The following ICA1 variants were observed in gnomAD, a reference collection of about 807,000 sequenced individuals.
The protein encoded by ICA1 is islet cell autoantigen 1.
In ICA1, 40 loss-of-function variants were observed where a neutral mutation model predicts 71.0. The ratio of observed to expected loss-of-function variants is 0.56; its 90% CI spans 0.44 to 0.73. The LOEUF is 0.73. Ranked by LOEUF, ICA1 falls within the 30% of genes least tolerant of loss-of-function variation. The pLI is 0.00. For missense variants in ICA1, 578 were observed against 576.5 expected, an observed-to-expected ratio of 1.00 and a Z score of -0.03; for synonymous variants, 207 against 209.5, an observed-to-expected ratio of 0.99 and a Z score of 0.10.
At chr7:8,249,192 C>G (rs1807237065) in intron 1 of ICA1, among the ~76,000 whole-genome samples, 2 of 152,260 alleles carry the variant, frequency 1.3e-5, no homozygotes, top group Non-Finnish European at 2.9e-5. Flanking sequence ...GGGCACAGAA[C>G]AGAGGCACAA....
rs570425593 is a variant in ICA1, at chr7:8,190,105, C to T, written c.579+28200G>A. ...GCACAAAATTCATATAAAAATCTAC[C>T]ATGAAGTGCCTGTCTGACATTCACT... On this transcript the variant is annotated intron_variant, in intron 6 of 13. Transcript: ENST00000402384. Among the ~76,000 whole-genome samples, 7 of 152,254 alleles carry T rather than the reference C, an allele frequency of 4.6e-5. No individual in the cohort carries two copies. In the South Asian group the frequency reaches 1.2e-3, roughly 27 times the overall value.
chr7:8,248,718 C>A (rs577187466), intron 1 of ICA1, among the ~76,000 whole-genome samples: 1 of 152,226 alleles, frequency 6.6e-6, no homozygotes, highest in Admixed American at 6.5e-5. Flanking sequence ...GCCCACCACT[C>A]CCTCAACCTC....
intron 1 of ICA1, among the ~76,000 whole-genome samples, chr7:8,260,993 G>T (rs1812119701): frequency 6.6e-6 from 1 of 152,174 alleles, no homozygotes; most frequent in Admixed American, 6.5e-5. Context: ...ATATTTTATA[G>T]GACCTTAATG....
chr7:8,227,623 T>TTTC, intron 4 of ICA1: 3 of 381,260 alleles, frequency 7.9e-6, no homozygotes, highest in Non-Finnish European at 1.5e-5. Context: ...TTTTTTTTTT[T>TTTC]CTAAGAGATC....
intron 4 of ICA1, 95 bp from the exon 5 acceptor site, chr7:8,221,493 G>A: frequency 7.2e-7 from 1 of 1,396,854 alleles, no homozygotes. Context: ...CTCTCTTCCA[G>A]AGGCGAAGAC....
At chr7:8,163,472 T>C (rs1173902570) in intron 6 of ICA1, among the ~76,000 whole-genome samples, 2 of 152,238 alleles carry the variant, frequency 1.3e-5, no homozygotes, top group African/African-American at 4.8e-5. Context: ...GTATCTTCTA[T>C]ATGCTGGTAG....
chr7:8,186,263 C>T (rs1036342870), intron 6 of ICA1, among the ~76,000 whole-genome samples: 4 of 152,310 alleles, frequency 2.6e-5, no homozygotes, highest in Admixed American at 6.5e-5. Flanking sequence ...CAGGGACGCT[C>T]TCTGAGTGAA....
rs1011882720 is a variant in ICA1, at chr7:8,226,848, A to C, written c.256+1753T>G. Among the ~76,000 whole-genome samples, 2 of 152,334 alleles carry C rather than the reference A, an allele frequency of 1.3e-5. No individual in the cohort carries two copies. Among genetic ancestry groups the C allele is most frequent in the South Asian group, 4.1e-4 (2 of 4,832 alleles). On this transcript the variant is annotated intron_variant, in intron 4 of 13. Coordinates refer to ENST00000402384, the MANE Select transcript of ICA1 (RefSeq NM_001136020.3). The surrounding 1 kb of genome is among the most constrained non-coding windows in gnomAD (Gnocchi z 4.4). ...TTATGAGCCTTCATGGTGTTCAACTATAATTCTATTAACTAATCTGAGGTG... is the reference window on the plus strand; with the variant it reads ...TTATGAGCCTTCATGGTGTTCAACTCTAATTCTATTAACTAATCTGAGGTG...
At position 8,127,970 on chromosome 7, in the gene ICA1, G is replaced by T; in HGVS notation, c.1233C>A (p.Ala411=). The change falls in exon 13 of 14, where the codon GCC becomes GCA. Residue 411 remains alanine (A), a synonymous_variant. Transcript: ENST00000402384. ...GQVKEPVPTM[A]LGEPDPKAQT... is the part of the protein sequence containing the mutation. ...GGGCCTTGGGGTCTGGCTCTCCCAG[G>T]GCCATAGTGGGCACTGGCTCCTTCA... 7.4e-6 allele frequency: 12 copies of T among 1,614,148 alleles called. No homozygotes were observed. The highest frequency in any genetic ancestry group is 1.0e-5 in the Non-Finnish European group (12 of 1,180,008).
At chr7:8,149,490 A>G (rs10271880) in intron 8 of ICA1, among the ~76,000 whole-genome samples, 2,049 of 152,352 alleles carry the variant, frequency 0.013, 42 homozygotes, top group African/African-American at 0.046. Flanking sequence ...TCGAGCTTGC[A>G]AAAGTGTCTT....
intron 6 of ICA1, among the ~76,000 whole-genome samples, chr7:8,203,886 G>C (rs1167740287): frequency 6.6e-6 from 1 of 152,068 alleles, no homozygotes; most frequent in African/African-American, 2.4e-5. Context: ...CTCAGCTTTG[G>C]GTCCCTGAGT....
intron 6 of ICA1, among the ~76,000 whole-genome samples, chr7:8,188,764 C>A (rs550540297): frequency 6.6e-6 from 1 of 152,250 alleles, no homozygotes; most frequent in East Asian, 1.9e-4. Context: ...CAAGAGAGAA[C>A]CTTTTTTGGC....
chr7:8,145,007 G>A (rs564204951), intron 8 of ICA1, among the ~76,000 whole-genome samples: 13 of 152,152 alleles, frequency 8.5e-5, no homozygotes, highest in African/African-American at 2.6e-4. Flanking sequence ...GCTGTGTCTC[G>A]GCAGAGCAGA....
At chr7:8,193,950 A>G (rs1436565966) in intron 6 of ICA1, among the ~76,000 whole-genome samples, 1 of 152,216 alleles carries the variant, frequency 6.6e-6, no homozygotes, top group Non-Finnish European at 1.5e-5. Flanking sequence ...CTGCAAACAA[A>G]TTACCTCAAC....
intron 1 of ICA1, among the ~76,000 whole-genome samples, chr7:8,247,478 GA>G (rs147836185): frequency 1.1e-4 from 17 of 151,180 alleles, no homozygotes; most frequent in Non-Finnish European, 1.8e-4. Context: ...AAAGAAAAAA[GA>G]AAAAAAACAA....
In ICA1 at chr7:8,222,884, G is replaced by C. The variant is rs1401153501; in HGVS notation, c.257-1486C>G. On this transcript the variant is annotated intron_variant, in intron 4 of 13. Transcript: ENST00000402384. The surrounding 1 kb of genome is among the most constrained non-coding windows in gnomAD (Gnocchi z 4.8). ...GGCATGTGTCTCTCTTCCCCAGGGG[G>C]CTCTAAGCTTTCCAAGACAGGGATC... 6.6e-6 allele frequency among the ~76,000 whole-genome samples: 1 copy of C among 152,144 alleles called. No homozygotes were observed. The highest frequency in any genetic ancestry group is 2.1e-4 in the South Asian group (1 of 4,830).
intron 1 of ICA1, among the ~76,000 whole-genome samples, chr7:8,240,234 T>G (rs1803315702): frequency 6.6e-6 from 1 of 152,014 alleles, no homozygotes. Flanking sequence ...TCTGCAATAT[T>G]TGCTATTCTG....
Position 8,205,407 on chromosome 7 carries a change from G to A in ICA1, c.579+12898C>T, listed in dbSNP as rs145313389. Among the ~76,000 whole-genome samples the A allele has an allele frequency of 6.0e-3, 910 of 152,212 alleles. 5 individuals carry two copies. Among genetic ancestry groups the A allele is most frequent in the African/African-American group, 0.02 (843 of 41,520 alleles). ...ACATAGTCTCTAGTAACCCTCAGAG[G>A]AGCCACATCCTCTGTGTTCCCAGTC... On this transcript the variant is annotated intron_variant, in intron 6 of 13. Transcript: ENST00000402384.
chr7:8,115,212 A>G (rs1784415458), intron 13 of ICA1, among the ~76,000 whole-genome samples: 1 of 152,178 alleles, frequency 6.6e-6, no homozygotes, highest in South Asian at 2.1e-4. Context: ...TGGTGAGAAA[A>G]CTATATCAAG....
Sources: allele counts gnomAD v4.1 joint callset (sites outside exome capture counted in the v4.1 genomes callset), GRCh38; gene constraint gnomAD v4.1.1; non-coding constraint Gnocchi (gnomAD v3.1); transcripts MANE v1.5; gene names NCBI Gene and HGNC (gene_info 2026-07-23, HGNC 2026-07-21).